Variants in DMC1 observed in about 807,000 individuals in gnomAD.
DMC1 encodes the protein meiotic recombination protein DMC1 homolog.
In DMC1, 27 loss-of-function variants were observed where a neutral mutation model predicts 50.1. That is an observed-to-expected ratio of 0.54 (90% CI 0.40 to 0.74). The LOEUF (loss-of-function observed/expected upper bound fraction) is 0.74, where lower values mean the gene tolerates loss of function less well. DMC1 is among the 30% of genes least tolerant of loss of function. DMC1 has a pLI of 0.00. For synonymous variants in DMC1, 148 were observed against 136.1 expected, an observed-to-expected ratio of 1.09 and a Z score of -0.61; for missense variants, 295 against 420.2, an observed-to-expected ratio of 0.70 and a Z score of 2.60.
chr22:38,563,813 A>C (rs948927848), intron 4 of DMC1, among the ~76,000 whole-genome samples: 11 of 150,894 alleles, frequency 7.3e-5, no homozygotes, highest in Non-Finnish European at 1.5e-4. Flanking sequence ...CATTCTCCTG[A>C]CTCAGCCTCC....
At chr22:38,550,697 A>G (rs2090394536) in intron 7 of DMC1, among the ~76,000 whole-genome samples, 2 of 150,464 alleles carry the variant, frequency 1.3e-5, no homozygotes, top group Admixed American at 1.3e-4. Context: ...TTGGGAGGCC[A>G]AGGTGGGTGG....
chr22:38,525,568 A>G (rs920061706), intron 12 of DMC1, among the ~76,000 whole-genome samples: 1 of 152,218 alleles, frequency 6.6e-6, no homozygotes, highest in African/African-American at 2.4e-5. Context: ...TGTTAAGAAC[A>G]TTATTTCCAA....
chr22:38,569,241 A>T (rs2090613063), intron 1 of DMC1: 1 of 152,132 alleles, frequency 6.6e-6, no homozygotes, highest in South Asian at 2.1e-4. Flanking sequence ...ATAAGCAGTT[A>T]AAGTTTTTAA....
chr22:38,521,777 A>G, intron 12 of DMC1, 53 bp from the exon 13 acceptor site: 2 of 1,211,966 alleles, frequency 1.7e-6, no homozygotes, highest in Non-Finnish European at 2.5e-6. Flanking sequence ...ATATATGGCA[A>G]TATCTGCAAT....
chr22:38,533,443 T>A (rs1466471903), intron 12 of DMC1, among the ~76,000 whole-genome samples: 2 of 143,594 alleles, frequency 1.4e-5, no homozygotes, highest in Non-Finnish European at 3.1e-5. Context: ...GAGATAGATA[T>A]CAAACTGCGA....
intron 7 of DMC1, 116 bp downstream of exon 7, chr22:38,552,550 T>G: frequency 1.2e-6 from 1 of 827,562 alleles, no homozygotes; most frequent in South Asian, 1.5e-5. Flanking sequence ...TGCCTGTGTT[T>G]TAGTTTCCTT....
At chr22:38,550,260 CA>C (rs2090388865) in intron 7 of DMC1, among the ~76,000 whole-genome samples, 1 of 151,880 alleles carries the variant, frequency 6.6e-6, no homozygotes, top group Admixed American at 6.6e-5. Context: ...TTAGTTCTCC[CA>C]AAGAATGGAA....
intron 9 of DMC1, among the ~76,000 whole-genome samples, chr22:38,539,035 C>CAA (rs201990795): frequency 1.8e-5 from 2 of 112,660 alleles, no homozygotes; most frequent in Non-Finnish European, 1.9e-5. Context: ...GACTCCATCT[C>CAA]AAAAAAAAAA....
intron 8 of DMC1, among the ~76,000 whole-genome samples, chr22:38,547,819 G>C (rs187655211): frequency 6.6e-6 from 1 of 152,212 alleles, no homozygotes; most frequent in African/African-American, 2.4e-5. Flanking sequence ...GATTACAGGC[G>C]TGAGCCACGG....
chr22:38,515,734 G>A (rs2089972624), downstream of DMC1, among the ~76,000 whole-genome samples: 1 of 152,062 alleles, frequency 6.6e-6, no homozygotes, highest in African/African-American at 2.4e-5. Context: ...GGGAGTGGAG[G>A]TTGCAGTGAG....
At chr22:38,566,523 T>A in intron 4 of DMC1, 67 bp downstream of exon 4, 2 of 1,561,980 alleles carry the variant, frequency 1.3e-6, no homozygotes, top group South Asian at 2.2e-5. Flanking sequence ...CTAGTTTTCA[T>A]GAGAAAGCCT....
chr22:38,537,735 G>A (rs73157142), intron 11 of DMC1, 83 bp from the exon 12 acceptor site: 40,295 of 993,144 alleles, frequency 0.041, 985 homozygotes, highest in Non-Finnish European at 0.053. Flanking sequence ...TCAGAGTTTA[G>A]ACATATTGCA....
At chr22:38,517,974 C>CT (rs1195079895), downstream of DMC1, among the ~76,000 whole-genome samples, 266 of 142,378 alleles carry the variant, frequency 1.9e-3, no homozygotes, top group Middle Eastern at 3.6e-3. Flanking sequence ...TGGAATTTTA[C>CT]TTTTTTTTTT....
chr22:38,534,781 C>T (rs2090192062), intron 12 of DMC1, among the ~76,000 whole-genome samples: 2 of 151,888 alleles, frequency 1.3e-5, no homozygotes. Flanking sequence ...GTGGGTGGAA[C>T]ACCTGAGGTC....
downstream of DMC1, among the ~76,000 whole-genome samples, chr22:38,516,636 A>G (rs74319601): frequency 4.1e-3 from 619 of 152,208 alleles, 5 homozygotes; most frequent in African/African-American, 0.014. Context: ...CTTGTAGAAG[A>G]AAGTTTATTA....
chr22:38,516,184 C>A (rs2145743647), downstream of DMC1, among the ~76,000 whole-genome samples: 1 of 152,318 alleles, frequency 6.6e-6, no homozygotes, highest in Non-Finnish European at 1.5e-5. Context: ...AGTTGGGCCC[C>A]AAGTTACAGC....
At chr22:38,520,114 G>A (rs2090008131) in intron 13 of DMC1, 25 bp from the exon 14 acceptor site, 2 of 1,589,800 alleles carry the variant, frequency 1.3e-6, no homozygotes, top group Non-Finnish European at 1.7e-6. Flanking sequence ...GGGAACAGAA[G>A]TTTATAAAAA....
At chr22:38,529,289 G>A (rs766289823) in intron 12 of DMC1, among the ~76,000 whole-genome samples, 10 of 152,144 alleles carry the variant, frequency 6.6e-5, no homozygotes, top group South Asian at 2.1e-4. Context: ...GATTACAGGC[G>A]TGAGCCACCG....
rs565946577 is a variant in DMC1 at position 38,536,649 on chromosome 22, A to G, written c.836+943T>C. Among the ~76,000 whole-genome samples the G allele has an allele frequency of 2.6e-4, 39 of 152,248 alleles. 1 individual carries two copies. The South Asian group carries it at 4.6e-3, about 18-fold the overall frequency. On this transcript the variant is annotated intron_variant, in intron 12 of 13. Coordinates refer to ENST00000216024, the MANE Select transcript of DMC1 (RefSeq NM_007068.4). ...TTTATGAATGGTGTTTATTATACTG[A>G]TAAGCTGCAATATAAGTTTTTATTT...
Sources: allele counts gnomAD v4.1 joint callset (sites outside exome capture counted in the v4.1 genomes callset), GRCh38; gene constraint gnomAD v4.1.1; transcripts MANE v1.5; gene names NCBI Gene and HGNC (gene_info 2026-07-23, HGNC 2026-07-21).